The following NPC1L1 variants were observed in gnomAD, a reference collection of about 807,000 sequenced individuals.
NPC1L1 encodes NPC1 like intracellular cholesterol transporter 1.
NPC1L1 carries 98 observed loss-of-function variants against 117.0 expected under a neutral mutation model. That is an observed-to-expected ratio of 0.84 (90% confidence interval 0.71 to 0.99). The LOEUF (loss-of-function observed/expected upper bound fraction) is 0.99. Ranked by LOEUF, NPC1L1 falls within the 50% of genes least tolerant of loss-of-function variation. The pLI, the probability that NPC1L1 is intolerant of heterozygous loss-of-function variation, is 0.00. For missense variants in NPC1L1, 1,540 were observed against 1,710.0 expected, an observed-to-expected ratio of 0.90 and a Z score of 1.75; for synonymous variants, 729 against 727.6, an observed-to-expected ratio of 1.00 and a Z score of -0.03.
chr7:44,541,239 C>T lies in NPC1L1; in HGVS notation c.21G>A (p.Arg7=), dbSNP rs751337767. Residue 7 remains arginine (R), a synonymous_variant, in exon 1 of 19, where the codon AGG becomes AGA. Transcript: ENST00000381160. MAEAGL[R]GWLLWALLLR... The stretch of plus-strand genomic sequence containing the variant: ...GGAGCAGGGCCCACAGCAGCCAGCC[C>T]CTCAGGCCGGCCTCCGCCATCCCAG... The T allele has an allele frequency of 9.0e-6, 14 of 1,550,024 alleles. No individual in the cohort carries two copies. In the East Asian group the frequency reaches 3.2e-4, roughly 35 times the overall value.
At position 44,540,434 on chromosome 7, in the gene NPC1L1, G is replaced by C. The variant is rs1392058634; in HGVS notation, c.55-92C>G. On this transcript the variant is annotated intron_variant, in intron 1 of 18. Transcript: ENST00000381160. Reference sequence around the variant, plus strand: ...CCAGGGAGGGTGTGAGGGTAAGAAGGACATGGAGCAGGGGCAGGGAAGCGG... The same window carrying C: ...CCAGGGAGGGTGTGAGGGTAAGAAGCACATGGAGCAGGGGCAGGGAAGCGG... 1.4e-5 allele frequency: 16 copies of C among 1,164,950 alleles called. No individual in the cohort carries two copies. The Admixed American group carries it at 3.0e-4, about 22-fold the overall frequency. The allele number at this position is 1,164,950 out of a possible 1,614,324, so 72.2% of individuals were successfully genotyped here. A position where few individuals can be genotyped will look rare whatever the true frequency, so the allele number is the denominator to read the frequency against.
intron 14 of NPC1L1, 41 bp from the exon 15 acceptor site, chr7:44,517,398 C>G (rs759499929): frequency 1.2e-6 from 2 of 1,603,954 alleles, no homozygotes; most frequent in African/African-American, 1.3e-5. Context: ...GGGCAAAGGT[C>G]AGAGCCCTTT....
chr7:44,533,808 G>T lies in NPC1L1; in HGVS notation c.2212C>A (p.Arg738=). The T allele has an allele frequency of 1.2e-6, 2 of 1,613,702 alleles. No homozygotes were observed. The highest frequency in any genetic ancestry group is 2.2e-5 in the East Asian group (1 of 44,882). ...CTGGGAGCCACCCTGCCTAGGGCTC[G>T]CCCAATGTGGACCTCTCGTGGCTCC... ...PGEPREVHIG[R]ALGRVAPSML... Residue 738 remains arginine, a synonymous_variant, in exon 7 of 19, where the codon CGA becomes AGA. Transcript: ENST00000381160.
intron 10 of NPC1L1, 49 bp downstream of exon 10, chr7:44,531,706 C>G: frequency 6.6e-7 from 1 of 1,511,974 alleles, no homozygotes; most frequent in Non-Finnish European, 9.0e-7. Flanking sequence ...TTGCTACTGC[C>G]CCTCCCCAAA....
At chr7:44,533,940 G>T in intron 6 of NPC1L1, 87 bp from the exon 7 acceptor site, 1 of 1,092,602 alleles carries the variant, frequency 9.2e-7, no homozygotes, top group Non-Finnish European at 1.4e-6. Context: ...AGTGCCCAGA[G>T]CTGCAGCCAG....
At position 44,534,917 on chromosome 7, in the gene NPC1L1, G is replaced by A. The variant is rs1801824879; in HGVS notation, c.1984-288C>T. ...CTTAGCTTTGCATTTGGGCAAGTGA[G>A]GGTATGGCATGTAACAGACAGAAAA... On this transcript the variant is annotated intron_variant, in intron 5 of 18. Coordinates refer to ENST00000381160, the MANE Select transcript of NPC1L1 (RefSeq NM_001101648.2). The surrounding 1 kb of genome is among the most constrained non-coding windows in gnomAD (Gnocchi z 5.2). 6.6e-6 allele frequency among the ~76,000 whole-genome samples: 1 copy of A among 152,188 alleles called. No individual in the cohort carries two copies. The highest frequency in any genetic ancestry group is 6.5e-5 in the Admixed American group (1 of 15,280).
At chr7:44,527,676 C>T (rs749463392) in intron 10 of NPC1L1, among the ~76,000 whole-genome samples, 4 of 151,836 alleles carry the variant, frequency 2.6e-5, no homozygotes, top group Non-Finnish European at 5.9e-5. Flanking sequence ...CAAGACTCTG[C>T]CTCTTTAAAT....
rs756642995 is a variant in NPC1L1, at chr7:44,534,464, A to G, written c.2149T>C (p.Phe717Leu). 1 of 1,614,110 alleles carries G rather than the reference A, an allele frequency of 6.2e-7. No individual in the cohort carries two copies. The highest frequency in any genetic ancestry group is 8.5e-7 in the Non-Finnish European group (1 of 1,180,004). Residue 717 changes from phenylalanine (F) to leucine (L), a missense_variant, in exon 6 of 19, where the codon TTT becomes CTT. Coordinates refer to ENST00000381160, the MANE Select transcript of NPC1L1 (RefSeq NM_001101648.2). This position sits in a 1 kb window ranked among gnomAD's most constrained non-coding sequence, Gnocchi z 5.2. Reference sequence around the variant, plus strand: ...CTTCTTACCTGGTACTCGAGAACAAAGATGAAGATGTTATCAGCCCCCACG... The same window carrying G: ...CTTCTTACCTGGTACTCGAGAACAAGGATGAAGATGTTATCAGCCCCCACG... The part of the protein sequence containing the change: ...LSVGADNIFI[F>L]VLEYQRLPRR...
Position 44,513,066 on chromosome 7 carries a change from A to G in NPC1L1, c.*381T>C, listed in dbSNP as rs1801084994. ...GGACACTGCTACGTGTTAAAGACTT[A>G]CTGACACAGAATTAAGACTTTCGAG... On this transcript the variant is annotated 3_prime_UTR_variant, in exon 19 of 19. Coordinates refer to ENST00000381160, the MANE Select transcript of NPC1L1 (RefSeq NM_001101648.2). 2 of 339,168 alleles carry G rather than the reference A, an allele frequency of 5.9e-6. No individual in the cohort carries two copies. The highest frequency in any genetic ancestry group is 1.2e-5 in the Non-Finnish European group (2 of 172,828). 21.0% of individuals were successfully genotyped at this position (339,168 alleles called of 1,614,324 possible). A position where few individuals can be genotyped will look rare whatever the true frequency, so the allele number is the denominator to read the frequency against.
rs1801778262 is a variant in NPC1L1 at position 44,533,820 on chromosome 7, C to A, written c.2200G>T (p.Val734Phe). Residue 734 changes from valine to phenylalanine, a missense_variant, in exon 7 of 19, where the codon GTC becomes TTC. Val to Phe is a conservative substitution (Grantham distance 50). Around this residue, in one of 3 missense-constraint regions of NPC1L1, gnomAD observed 742 missense variants for 873.6 expected, o/e 0.85. Transcript: ENST00000381160. The part of the protein sequence containing the change: ...LPRRPGEPRE[V>F]HIGRALGRVA... ...CTGCCTAGGGCTCGCCCAATGTGGA[C>A]CTCTCGTGGCTCCCCAGGCCTCCGG... The A allele has an allele frequency of 6.2e-7, 1 of 1,613,244 alleles. No individual in the cohort carries two copies.
intron 10 of NPC1L1, among the ~76,000 whole-genome samples, chr7:44,529,287 T>C (rs1801623823): frequency 6.6e-6 from 1 of 150,796 alleles, no homozygotes; most frequent in Non-Finnish European, 1.5e-5. Context: ...AAAACACAAA[T>C]AGATTGAAAG....
intron 14 of NPC1L1, among the ~76,000 whole-genome samples, chr7:44,518,975 CTT>C (rs1372694406): frequency 6.6e-6 from 1 of 151,176 alleles, no homozygotes; most frequent in African/African-American, 2.5e-5. Context: ...TTCCTTCCTT[CTT>C]TCTTTCTTTC....
At chr7:44,528,478 T>C (rs1046463371) in intron 10 of NPC1L1, among the ~76,000 whole-genome samples, 2 of 152,208 alleles carry the variant, frequency 1.3e-5, no homozygotes, top group Non-Finnish European at 2.9e-5. Context: ...AGTTTTTGTA[T>C]GCTATGGAAA....
intron 10 of NPC1L1, 98 bp from the exon 11 acceptor site, chr7:44,522,340 T>A: frequency 8.6e-7 from 1 of 1,166,080 alleles, no homozygotes; most frequent in African/African-American, 1.5e-5. Flanking sequence ...CAGAGGTACA[T>A]GCTAAAAGGC....
intron 17 of NPC1L1, 36 bp from the exon 18 acceptor site, chr7:44,516,001 A>G (rs1408795024): frequency 1.6e-5 from 25 of 1,570,778 alleles, no homozygotes; most frequent in Non-Finnish European, 2.2e-5. Context: ...GGCAGGGCAC[A>G]GGGCATCAGG....
Position 44,516,270 on chromosome 7 carries a change from C to T in NPC1L1, c.3520-73G>A, listed in dbSNP as rs537636664. On this transcript the variant is annotated intron_variant, in intron 16 of 18. Transcript: ENST00000381160. Reference sequence around the variant, plus strand: ...GGAACTAGGGAGATGAGGCCTCCACCAGGACCAGCGTGGGGCAGGCATCTA... The same window carrying T: ...GGAACTAGGGAGATGAGGCCTCCACTAGGACCAGCGTGGGGCAGGCATCTA... The T allele has an allele frequency of 1.8e-5, 23 of 1,305,350 alleles. No homozygotes were observed. The East Asian group carries it at 5.5e-4, about 31-fold the overall frequency. The allele number at this position is 1,305,350 out of a possible 1,614,324, so 80.9% of individuals were successfully genotyped here.
rs375324059 is a variant in NPC1L1, at chr7:44,539,614, T to A, written c.783A>T (p.Ala261=). 1 of 1,613,886 alleles carries A rather than the reference T, an allele frequency of 6.2e-7. No individual in the cohort carries two copies. Among genetic ancestry groups the A allele is most frequent in the Non-Finnish European group, 8.5e-7 (1 of 1,180,002 alleles). Residue 261 remains alanine, a synonymous_variant, in exon 2 of 19, where the codon GCA becomes GCT. Coordinates refer to ENST00000381160, the MANE Select transcript of NPC1L1 (RefSeq NM_001101648.2). The surrounding 1 kb of genome is among the most constrained non-coding windows in gnomAD (Gnocchi z 4.4). Reference sequence around the variant, plus strand: ...GGGGGCGGGCTATGGCAGGACAGGATGCAGCACAGTCTTGGCAGGAGCAGG... The same window carrying A: ...GGGGGCGGGCTATGGCAGGACAGGAAGCAGCACAGTCTTGGCAGGAGCAGG... ...VATCSCQDCA[A]SCPAIARPQA... is the part of the protein sequence containing the mutation.
Position 44,535,879 on chromosome 7 carries a change from A to G in NPC1L1, c.1944T>C (p.Ser648=). Residue 648 remains serine, a synonymous_variant, in exon 5 of 19, where the codon TCT becomes TCC. Coordinates refer to ENST00000381160, the MANE Select transcript of NPC1L1 (RefSeq NM_001101648.2). ...AGCTGGAATAGCTGCCCAGGGCCAGAGAGATGTACAGGAATATGACAATGT... is the reference window on the plus strand; with the variant it reads ...AGCTGGAATAGCTGCCCAGGGCCAGGGAGATGTACAGGAATATGACAATGT... ...TSYIVIFLYI[S]LALGSYSSWS... is the part of the protein sequence containing the mutation. 2.5e-6 allele frequency: 4 copies of G among 1,613,340 alleles called. No homozygotes were observed. The highest frequency in any genetic ancestry group is 3.4e-6 in the Non-Finnish European group (4 of 1,179,972).
At chr7:44,535,758 G>T in intron 5 of NPC1L1, 82 bp downstream of exon 5, 1 of 1,598,294 alleles carries the variant, frequency 6.3e-7, no homozygotes, top group Non-Finnish European at 8.5e-7. Context: ...AGGTGCTGTG[G>T]TTAGGAAAGT....
Sources: gnomAD v4.1 joint callset for allele counts (sites outside exome capture counted in the v4.1 genomes callset) on GRCh38, gnomAD v4.1.1 for gene constraint, gnomAD v4.1.1 regional missense constraint, Gnocchi (gnomAD v3.1) non-coding constraint, MANE v1.5 for transcripts, NCBI Gene and HGNC (gene_info 2026-07-23, HGNC 2026-07-21) for gene names.